The following PRICKLE1 variants were observed in gnomAD, a reference collection of about 807,000 sequenced individuals.
PRICKLE1 encodes prickle-like protein 1.
In PRICKLE1, 14 loss-of-function variants were observed where a neutral mutation model predicts 70.2. That is an observed-to-expected ratio of 0.20 (90% CI 0.13 to 0.31). PRICKLE1 has a LOEUF of 0.31. PRICKLE1 is among the 10% of genes least tolerant of loss of function. The pLI is 1.00. For missense variants in PRICKLE1, 821 were observed against 1,026.2 expected (o/e 0.80, Z 2.73); for synonymous variants, 357 against 379.9 (o/e 0.94, Z 0.70).
chr12:42,473,531 C>T (rs1938403561), intron 1 of PRICKLE1, among the ~76,000 whole-genome samples: 1 of 152,158 alleles, frequency 6.6e-6, no homozygotes, highest in Non-Finnish European at 1.5e-5. Flanking sequence ...TTAAAATCAT[C>T]CCTCATCCCA....
At chr12:42,572,993 GT>G (rs1940743928) in intron 1 of PRICKLE1, among the ~76,000 whole-genome samples, 1 of 150,978 alleles carries the variant, frequency 6.6e-6, no homozygotes, top group Admixed American at 6.6e-5. Context: ...CCAGGCTACG[GT>G]CCTCAGTTTC....
intron 1 of PRICKLE1, among the ~76,000 whole-genome samples, chr12:42,570,918 G>A (rs1188556665): frequency 6.6e-6 from 1 of 151,966 alleles, no homozygotes; most frequent in Non-Finnish European, 1.5e-5. Context: ...ATAAAGAATA[G>A]AATATTTAGC....
At chr12:42,484,098 C>T (rs1252386146) in intron 1 of PRICKLE1, 1 of 151,224 alleles carries the variant, frequency 6.6e-6, no homozygotes, top group Admixed American at 6.6e-5. Context: ...CAGCCGGACC[C>T]AGCTCCCCGC....
Position 42,470,288 on chromosome 12 carries a change from C to T in PRICKLE1, c.204G>A (p.Arg68=), listed in dbSNP as rs1394330491. 6.2e-7 allele frequency: 1 copy of T among 1,613,990 alleles called. No homozygotes were observed. The highest frequency in any genetic ancestry group is 1.3e-5 in the African/African-American group (1 of 74,902). ...PYVNSPGEKH[R]IKQLLYQLPP... ...GTAACTGGTACAAAAGCTGTTTAATCCGATGCTTCTCTCCGGGGCTGTTAA... is the reference window on the plus strand; with the variant it reads ...GTAACTGGTACAAAAGCTGTTTAATTCGATGCTTCTCTCCGGGGCTGTTAA... The change falls in exon 3 of 8, where the codon CGG becomes CGA. Residue 68 remains arginine (R), a synonymous_variant. Transcript: ENST00000345127.
At chr12:42,469,912 T>C in intron 3 of PRICKLE1, 1 of 492,832 alleles carries the variant, frequency 2.0e-6, no homozygotes, top group Non-Finnish European at 3.7e-6. Context: ...CTCTCCATTC[T>C]ACATGCACTC....
At chr12:42,544,679 T>A (rs763760080) in intron 1 of PRICKLE1, among the ~76,000 whole-genome samples, 3 of 152,216 alleles carry the variant, frequency 2.0e-5, no homozygotes, top group Non-Finnish European at 4.4e-5. Flanking sequence ...CTCTTAAAAA[T>A]TTTTATTTTT....
intron 1 of PRICKLE1, among the ~76,000 whole-genome samples, chr12:42,560,719 C>G (rs1374741338): frequency 6.7e-6 from 1 of 150,162 alleles, no homozygotes; most frequent in African/African-American, 2.4e-5. Flanking sequence ...GCATCTAATT[C>G]TAGAAAAAAA....
At chr12:42,564,523 G>A (rs559124472) in intron 1 of PRICKLE1, among the ~76,000 whole-genome samples, 21 of 152,164 alleles carry the variant, frequency 1.4e-4, no homozygotes, top group African/African-American at 3.4e-4. Context: ...CAGGAGAATC[G>A]CTTGAACCCG....
intron 1 of PRICKLE1, among the ~76,000 whole-genome samples, chr12:42,558,627 C>T (rs2406868): frequency 0.23 from 34,332 of 152,142 alleles, 4,679 homozygotes; most frequent in East Asian, 0.42. Flanking sequence ...ACCACAAGCT[C>T]GCTGTCTTTG....
chr12:42,560,423 C>T (rs1320947424), intron 1 of PRICKLE1, among the ~76,000 whole-genome samples: 8 of 152,102 alleles, frequency 5.3e-5, no homozygotes, highest in African/African-American at 1.9e-4. Context: ...TGTGAGCCAC[C>T]ACACCCAGCC....
intron 1 of PRICKLE1, among the ~76,000 whole-genome samples, chr12:42,549,073 C>T (rs1056932231): frequency 5.3e-5 from 7 of 131,730 alleles, no homozygotes; most frequent in South Asian, 5.1e-4. Context: ...GAGCTGAGAT[C>T]GGGCCACTGC....
intron 1 of PRICKLE1, among the ~76,000 whole-genome samples, chr12:42,571,548 G>A (rs1940713315): frequency 6.6e-6 from 1 of 152,176 alleles, no homozygotes; most frequent in South Asian, 2.1e-4. Context: ...TGAACTCCCT[G>A]GTCCCAGGCC....
chr12:42,478,912 T>C (rs911249107), intron 1 of PRICKLE1, among the ~76,000 whole-genome samples: 1 of 152,128 alleles, frequency 6.6e-6, no homozygotes, highest in Non-Finnish European at 1.5e-5. Flanking sequence ...TCAATCATCA[T>C]TGTCAAGAGA....
chr12:42,527,448 A>T (rs12317317), intron 1 of PRICKLE1, among the ~76,000 whole-genome samples: 86,210 of 151,860 alleles, frequency 0.57, 24,938 homozygotes, highest in East Asian at 0.77. Flanking sequence ...AAAGGTGTGT[A>T]TTCTATAGGA....
intron 1 of PRICKLE1, among the ~76,000 whole-genome samples, chr12:42,574,204 T>C (rs1423129953): frequency 6.6e-6 from 1 of 152,250 alleles, no homozygotes; most frequent in East Asian, 1.9e-4. Context: ...TTATTCATTA[T>C]TTACCTGAAA....
intron 1 of PRICKLE1, among the ~76,000 whole-genome samples, chr12:42,554,656 GAAGTTTC>G (rs945173287): frequency 6.6e-6 from 1 of 152,180 alleles, no homozygotes; most frequent in African/African-American, 2.4e-5. Context: ...AGAAAAAAAG[GAAGTTTC>G]AAGTTTAAAA....
At chr12:42,537,050 T>A (rs1412372080) in intron 1 of PRICKLE1, among the ~76,000 whole-genome samples, 1 of 152,160 alleles carries the variant, frequency 6.6e-6, no homozygotes, top group South Asian at 2.1e-4. Flanking sequence ...AACATAAAGA[T>A]CCTATTTAGG....
At chr12:42,507,309 C>T (rs1169625296) in intron 1 of PRICKLE1, among the ~76,000 whole-genome samples, 1 of 152,146 alleles carries the variant, frequency 6.6e-6, no homozygotes, top group Admixed American at 6.6e-5. Context: ...ACTGAAAATA[C>T]TAAGCAGATC....
At position 42,491,278 on chromosome 12, in the gene PRICKLE1, C is replaced by T. The variant is rs1381779059; in HGVS notation, c.-48-18714G>A. The stretch of plus-strand genomic sequence containing the variant: ...AATGTTAAAAAGCTCAGTGGCCGGG[C>T]GCGGTAGCTCACATCTGTAATCCTA... On this transcript the variant is annotated intron_variant, in intron 1 of 7. Coordinates refer to ENST00000345127, the MANE Select transcript of PRICKLE1 (RefSeq NM_153026.3). 3.3e-5 allele frequency among the ~76,000 whole-genome samples: 5 copies of T among 151,486 alleles called. No individual in the cohort carries two copies. The South Asian group carries it at 8.4e-4, about 25-fold the overall frequency.
Sources: allele counts gnomAD v4.1 joint callset (sites outside exome capture counted in the v4.1 genomes callset), GRCh38; gene constraint gnomAD v4.1.1; transcripts MANE v1.5; gene names NCBI Gene and HGNC (gene_info 2026-07-23, HGNC 2026-07-21).